Variants in FSTL4 observed in about 807,000 individuals in gnomAD.
FSTL4 encodes the protein follistatin-related protein 4.
A neutral mutation model predicts 78.2 loss-of-function variants in FSTL4; 28 were observed. The observed-to-expected ratio is 0.36, with a 90% CI of 0.27 to 0.49. The LOEUF is 0.49. FSTL4 is among the 20% of genes least tolerant of loss of function. The pLI is 0.98. For missense variants in FSTL4, 922 were observed against 1,084.9 expected, an observed-to-expected ratio of 0.85 and a Z score of 2.11; for synonymous variants, 422 against 440.5, an observed-to-expected ratio of 0.96 and a Z score of 0.53.
intron 3 of FSTL4, among the ~76,000 whole-genome samples, chr5:133,498,718 C>CAAAA (rs112128780): frequency 7.9e-6 from 1 of 127,040 alleles, no homozygotes; most frequent in African/African-American, 3.0e-5. Flanking sequence ...ACTCAGTCTC[C>CAAAA]AAAAAAAAAA....
the FSTL4 span, among the ~76,000 whole-genome samples, chr5:133,654,043 C>T: frequency 6.6e-6 from 1 of 152,212 alleles, no homozygotes. Context: ...ACTCTAGGGG[C>T]CCTAAAGTTT....
chr5:133,610,653 C>T (rs1761069817), intron 1 of FSTL4, among the ~76,000 whole-genome samples: 1 of 152,216 alleles, frequency 6.6e-6, no homozygotes, highest in South Asian at 2.1e-4. Context: ...CTCACACCTC[C>T]GACCATTCCC....
At chr5:133,783,162 CCCA>C in the FSTL4 span, among the ~76,000 whole-genome samples, 1 of 152,146 alleles carries the variant, frequency 6.6e-6, no homozygotes, top group Non-Finnish European at 1.5e-5. Flanking sequence ...TTTGCAGCTC[CCCA>C]CCACAAGCCT....
At chr5:133,397,380 C>T (rs968259631) in intron 4 of FSTL4, among the ~76,000 whole-genome samples, 2 of 152,172 alleles carry the variant, frequency 1.3e-5, no homozygotes, top group Non-Finnish European at 2.9e-5. Context: ...TCAGTGAGAC[C>T]CTGCTTGTGA....
At chr5:133,425,376 G>A (rs1441544458) in intron 3 of FSTL4, among the ~76,000 whole-genome samples, 10 of 152,198 alleles carry the variant, frequency 6.6e-5, no homozygotes, top group Admixed American at 6.5e-4. Context: ...GCCATCCCCA[G>A]GTGGCAAAGC....
the FSTL4 span, among the ~76,000 whole-genome samples, chr5:133,699,797 C>T: frequency 0.012 from 1,664 of 142,298 alleles, 35 homozygotes; most frequent in African/African-American, 0.041. Context: ...AGGAGAATGG[C>T]GTGAACCCGG....
At chr5:133,574,606 AACAGAAGT>A (rs1217365473) in intron 2 of FSTL4, among the ~76,000 whole-genome samples, 1 of 152,242 alleles carries the variant, frequency 6.6e-6, no homozygotes, top group African/African-American at 2.4e-5. Flanking sequence ...GTAAATGTCC[AACAGAAGT>A]ACATTCATGT....
chr5:133,809,756 C>T, the FSTL4 span, among the ~76,000 whole-genome samples: 1 of 152,188 alleles, frequency 6.6e-6, no homozygotes, highest in East Asian at 1.9e-4. Context: ...ATGCGTCCCA[C>T]AGCTGTTAGA....
intron 3 of FSTL4, among the ~76,000 whole-genome samples, chr5:133,467,703 G>A (rs1379666041): frequency 6.6e-6 from 1 of 152,078 alleles, no homozygotes; most frequent in Non-Finnish European, 1.5e-5. Flanking sequence ...GAGAAGCCAG[G>A]AGTAGAGGCT....
rs116784304 is a variant in FSTL4, at chr5:133,461,191, A to G, written c.161-60205T>C. 2.4e-3 allele frequency among the ~76,000 whole-genome samples: 360 copies of G among 152,298 alleles called. 3 individuals carry two copies. The highest frequency in any genetic ancestry group is 7.5e-3 in the African/African-American group (312 of 41,566). On this transcript the variant is annotated intron_variant, in intron 3 of 15. Transcript: ENST00000265342. Reference sequence around the variant, plus strand: ...TCACTTACTCAAATTCCATCTGTCAATGTGGCTCTGATATTAAAATTGCCA... The same window carrying G: ...TCACTTACTCAAATTCCATCTGTCAGTGTGGCTCTGATATTAAAATTGCCA...
At chr5:133,400,655 T>C in intron 4 of FSTL4, 83 bp downstream of exon 4, 1 of 1,255,908 alleles carries the variant, frequency 8.0e-7, no homozygotes, top group Non-Finnish European at 1.1e-6. Context: ...ACTTGTAGAC[T>C]CAGCACCCAG....
chr5:133,312,261 G>A (rs979163456), intron 6 of FSTL4, among the ~76,000 whole-genome samples: 1 of 152,152 alleles, frequency 6.6e-6, no homozygotes, highest in Admixed American at 6.5e-5. Flanking sequence ...AGGCCCTCCT[G>A]CAGGGTGTTT....
chr5:133,445,380 C>T (rs1341940602), intron 3 of FSTL4, among the ~76,000 whole-genome samples: 2 of 151,766 alleles, frequency 1.3e-5, no homozygotes, highest in Admixed American at 6.6e-5. Context: ...CAGCACAGGC[C>T]GGGGAGTGCT....
At chr5:133,733,331 T>C in the FSTL4 span, among the ~76,000 whole-genome samples, 2 of 152,198 alleles carry the variant, frequency 1.3e-5, no homozygotes, top group Non-Finnish European at 2.9e-5. Flanking sequence ...TGCCCGACCA[T>C]CTGAAACCCA....
At chr5:133,215,102 C>G (rs1185728572) in intron 13 of FSTL4, among the ~76,000 whole-genome samples, 1 of 152,178 alleles carries the variant, frequency 6.6e-6, no homozygotes, top group Non-Finnish European at 1.5e-5. Context: ...ATGGTCAGTC[C>G]TCAGTCTTCA....
the FSTL4 span, among the ~76,000 whole-genome samples, chr5:133,679,763 C>T: frequency 1.3e-5 from 2 of 152,088 alleles, no homozygotes; most frequent in Non-Finnish European, 2.9e-5. Context: ...CACATGGCCT[C>T]CTGCTTGTTC....
chr5:133,316,131 T>C (rs1193703476), intron 5 of FSTL4, among the ~76,000 whole-genome samples: 2 of 152,224 alleles, frequency 1.3e-5, no homozygotes, highest in Non-Finnish European at 2.9e-5. Context: ...ATAGCTCCAA[T>C]GGTGTTCAAT....
the FSTL4 span, among the ~76,000 whole-genome samples, chr5:133,785,814 C>T: frequency 6.6e-6 from 1 of 152,154 alleles, no homozygotes; most frequent in Non-Finnish European, 1.5e-5. Context: ...GAGAAAGGCA[C>T]ATAGACAATG....
At chr5:133,688,280 A>G in the FSTL4 span, among the ~76,000 whole-genome samples, 7,664 of 152,142 alleles carry the variant, frequency 0.05, 650 homozygotes, top group African/African-American at 0.17. Context: ...AGGCGTGGTG[A>G]AGTATGCCTG....
Sources: gnomAD v4.1 joint callset for allele counts (sites outside exome capture counted in the v4.1 genomes callset) on GRCh38, gnomAD v4.1.1 for gene constraint, MANE v1.5 for transcripts, NCBI Gene and HGNC (gene_info 2026-07-23, HGNC 2026-07-21) for gene names.